TMPRSS3: variants seen among roughly 807,000 people sequenced by gnomAD.
The protein encoded by TMPRSS3 is transmembrane protease serine 3.
In TMPRSS3, 55 loss-of-function variants were observed where a neutral mutation model predicts 59.6. That is an observed-to-expected ratio of 0.92 (90% confidence interval 0.74 to 1.16). TMPRSS3 has a LOEUF of 1.16. Among genes scored for constraint, TMPRSS3 ranks in the 50% most tolerant of loss-of-function variants. TMPRSS3 has a pLI of 0.00. For synonymous variants in TMPRSS3, 257 were observed against 237.7 expected, an observed-to-expected ratio of 1.08 and a Z score of -0.75; for missense variants, 596 against 579.4, an observed-to-expected ratio of 1.03 and a Z score of -0.29.
chr21:42,372,647 ACT>A lies in TMPRSS3; in HGVS notation c.*113_*114del, dbSNP rs756407302. ...TTTCGGGCCTGCTACTGGTGCCGGA[ACT>A]CAGAGCTCCAAGGGTGTCTGCTCGT... On this transcript the variant is annotated 3_prime_UTR_variant, in exon 13 of 13. Coordinates refer to ENST00000644384, the MANE Select transcript of TMPRSS3 (RefSeq NM_001256317.3). 9.3e-7 allele frequency: 1 copy of A among 1,073,738 alleles called. No individual in the cohort carries two copies. Among genetic ancestry groups the A allele is most frequent in the Non-Finnish European group, 1.5e-6 (1 of 686,952 alleles). 66.5% of individuals were successfully genotyped at this position (1,073,738 alleles called of 1,614,324 possible).
At chr21:42,382,950 C>T (rs531440631) in intron 8 of TMPRSS3, 83 bp downstream of exon 8, 91 of 1,557,826 alleles carry the variant, frequency 5.8e-5, no homozygotes, top group South Asian at 4.8e-4. Flanking sequence ...CCTCTGGACC[C>T]GCTTCTCACC....
intron 9 of TMPRSS3, among the ~76,000 whole-genome samples, chr21:42,380,806 G>A (rs1330531354): frequency 3.3e-5 from 5 of 152,216 alleles, no homozygotes; most frequent in Non-Finnish European, 7.3e-5. Context: ...CACATACCTC[G>A]GGCTTTCGTG....
In TMPRSS3 at chr21:42,375,704, C is replaced by G. The variant is rs764501994; in HGVS notation, c.1344+12G>C. ...CAGGGACAACGTGAGCTGGGGAGGG[C>G]GCCGCACCCACCTCCATCTGCTCGT... On this transcript the variant is annotated intron_variant, in intron 12 of 12. Coordinates refer to ENST00000644384, the MANE Select transcript of TMPRSS3 (RefSeq NM_001256317.3). 1 of 1,613,596 alleles carries G rather than the reference C, an allele frequency of 6.2e-7. No homozygotes were observed. The highest frequency in any genetic ancestry group is 2.2e-5 in the East Asian group (1 of 44,870).
At chr21:42,395,497 G>T in intron 1 of TMPRSS3, 29 bp from the exon 2 acceptor site, 1 of 1,239,808 alleles carries the variant, frequency 8.1e-7, no homozygotes, top group Non-Finnish European at 1.2e-6. Context: ...GAAAGCATTT[G>T]TTCCCCTATT....
intron 9 of TMPRSS3, among the ~76,000 whole-genome samples, chr21:42,380,415 G>A (rs557200055): frequency 6.6e-6 from 1 of 152,066 alleles, no homozygotes; most frequent in Admixed American, 6.6e-5. Context: ...AACTGTAAAA[G>A]AGCCCTCCAC....
At position 42,381,806 on chromosome 21, in the gene TMPRSS3, A is replaced by G. The variant is rs1306071850; in HGVS notation, c.952+259T>C. On this transcript the variant is annotated intron_variant, in intron 9 of 12. Coordinates refer to ENST00000644384, the MANE Select transcript of TMPRSS3 (RefSeq NM_001256317.3). Reference sequence around the variant, plus strand: ...GGGTAACATTGAAAATGTAGGTAGGACTCAAGTCTGCAAACATGAGAGCCA... The same window carrying G: ...GGGTAACATTGAAAATGTAGGTAGGGCTCAAGTCTGCAAACATGAGAGCCA... The G allele has an allele frequency of 4.9e-6, 3 of 617,812 alleles. No homozygotes were observed. In the Admixed American group the frequency reaches 7.4e-5, roughly 15 times the overall value. 38.3% of individuals were successfully genotyped at this position (617,812 alleles called of 1,614,324 possible). A position where few individuals can be genotyped will look rare whatever the true frequency, so the allele number is the denominator to read the frequency against.
chr21:42,382,119 T>A lies in TMPRSS3; in HGVS notation c.898A>T (p.Arg300Trp). 6.2e-7 allele frequency: 1 copy of A among 1,614,216 alleles called. No individual in the cohort carries two copies. The highest frequency in any genetic ancestry group is 8.5e-7 in the Non-Finnish European group (1 of 1,180,024). Reference sequence around the variant, plus strand: ...ATAAGGGCGATGTCATTGCCCAGCCTCTTTGGCTTGTACTTGCTGTGGTAG... The same window carrying A: ...ATAAGGGCGATGTCATTGCCCAGCCACTTTGGCTTGTACTTGCTGTGGTAG... ...IVYHSKYKPK[R>W]LGNDIALMKL... The change falls in exon 9 of 13, where the codon AGG becomes TGG. Residue 300 changes from arginine to tryptophan, a missense_variant. Arg to Trp is a moderately radical substitution (Grantham distance 101, BLOSUM62 -3). Transcript: ENST00000644384.
chr21:42,389,129 G>A lies in TMPRSS3; in HGVS notation c.206-84C>T, dbSNP rs373178051. 657 of 1,593,662 alleles carry A rather than the reference G, an allele frequency of 4.1e-4. 5 individuals carry two copies. The highest frequency in any genetic ancestry group is 4.0e-3 in the African/African-American group (301 of 74,558). On this transcript the variant is annotated intron_variant, in intron 3 of 12. Transcript: ENST00000644384. Reference sequence around the variant, plus strand: ...CAACTGTCCCCCTGCCACACAGTGCGGAGCTGGCCCGTGAATAATGAAACC... The same window carrying A: ...CAACTGTCCCCCTGCCACACAGTGCAGAGCTGGCCCGTGAATAATGAAACC...
intron 12 of TMPRSS3, 50 bp from the exon 13 acceptor site, chr21:42,372,829 G>T: frequency 1.2e-6 from 2 of 1,610,108 alleles, no homozygotes; most frequent in Non-Finnish European, 8.5e-7. Context: ...CCAGCCATCC[G>T]TCCAACATGA....
Position 42,372,564 on chromosome 21 carries a change from A to C in TMPRSS3, c.*198T>G. 1 of 728,810 alleles carries C rather than the reference A, an allele frequency of 1.4e-6. No homozygotes were observed. Among genetic ancestry groups the C allele is most frequent in the Non-Finnish European group, 2.5e-6 (1 of 396,934 alleles). The allele number at this position is 728,810 out of a possible 1,614,324, so 45.1% of individuals were successfully genotyped here. ...AACAGAGCGAGACTCCATCTCAAAA[A>C]AACAAAAAACAAAAAGCAGCTTGAA... On this transcript the variant is annotated 3_prime_UTR_variant, in exon 13 of 13. Coordinates refer to ENST00000644384, the MANE Select transcript of TMPRSS3 (RefSeq NM_001256317.3).
At chr21:42,392,734 G>A (rs1356449180) in intron 2 of TMPRSS3, among the ~76,000 whole-genome samples, 2 of 152,152 alleles carry the variant, frequency 1.3e-5, no homozygotes, top group South Asian at 2.1e-4. Context: ...CCCACCCTTC[G>A]TCTTATACTT....
chr21:42,383,355 G>T (rs2052569022), intron 7 of TMPRSS3, 157 bp from the exon 8 acceptor site: 1 of 779,282 alleles, frequency 1.3e-6, no homozygotes, highest in Non-Finnish European at 2.1e-6. Flanking sequence ...GGGGAGCTCA[G>T]CAGGGGAGGT....
chr21:42,387,758 C>T (rs1326193015), intron 5 of TMPRSS3, among the ~76,000 whole-genome samples: 2 of 152,142 alleles, frequency 1.3e-5, no homozygotes, highest in South Asian at 2.1e-4. Context: ...TAGGGGAACC[C>T]GTGGAAGTAC....
intron 12 of TMPRSS3, among the ~76,000 whole-genome samples, chr21:42,374,081 C>G (rs545785027): frequency 1.3e-5 from 2 of 152,326 alleles, no homozygotes; most frequent in South Asian, 4.1e-4. Flanking sequence ...CCACGCGACC[C>G]TTCTGTGCCC....
Position 42,380,159 on chromosome 21 carries a change from T to C in TMPRSS3, c.1006A>G (p.Lys336Glu). ...PNSEENFPDGKVCWTSGWGAT... is the reference protein window; with the variant it reads ...PNSEENFPDGEVCWTSGWGAT... ...CCCCATCCTGACGTCCAGCACACTT[T>C]TCCATCGGGGAAGTTCTCTTCAGAG... The change falls in exon 10 of 13, where the codon AAA becomes GAA. Residue 336 changes from lysine (K) to glutamate (E), a missense_variant. Transcript: ENST00000644384. 6.2e-7 allele frequency: 1 copy of C among 1,614,158 alleles called. No individual in the cohort carries two copies. The highest frequency in any genetic ancestry group is 8.5e-7 in the Non-Finnish European group (1 of 1,180,018).
chr21:42,382,196 A>G lies in TMPRSS3; in HGVS notation c.821T>C (p.Leu274Pro). ...GGCTGGATTGTCCAACAGGGAAACT[A>G]GACCCACCTGGATGGTCCATGACTT... ...LPKSWTIQVGLVSLLDNPAPS... is the reference protein window; with the variant it reads ...LPKSWTIQVGPVSLLDNPAPS... The change falls in exon 9 of 13, where the codon CTA (leucine) becomes CCA (proline). Residue 274 changes from leucine (L) to proline (P), a missense_variant. Transcript: ENST00000644384. The G allele has an allele frequency of 6.2e-7, 1 of 1,614,214 alleles. No homozygotes were observed. The highest frequency in any genetic ancestry group is 8.5e-7 in the Non-Finnish European group (1 of 1,180,024).
chr21:42,376,415 G>A (rs2052428839), intron 11 of TMPRSS3, 126 bp downstream of exon 11: 1 of 1,366,212 alleles, frequency 7.3e-7, no homozygotes, highest in East Asian at 2.5e-5. Context: ...GTGATATCTT[G>A]AGCAAATTTC....
intron 3 of TMPRSS3, 152 bp from the exon 4 acceptor site, chr21:42,389,197 C>G (rs909633730): frequency 6.7e-7 from 1 of 1,493,588 alleles, no homozygotes; most frequent in Non-Finnish European, 9.0e-7. Context: ...TTTCCTGCAG[C>G]CCAGTTTCTG....
At chr21:42,374,167 G>A (rs529035983) in intron 12 of TMPRSS3, among the ~76,000 whole-genome samples, 6 of 152,290 alleles carry the variant, frequency 3.9e-5, no homozygotes, top group East Asian at 3.9e-4. Flanking sequence ...TCTACAGTGC[G>A]GGCGGGCTGG....
Sources: allele counts gnomAD v4.1 joint callset (sites outside exome capture counted in the v4.1 genomes callset), GRCh38; gene constraint gnomAD v4.1.1; transcripts MANE v1.5; gene names NCBI Gene and HGNC (gene_info 2026-07-23, HGNC 2026-07-21).